HELLS: variants seen among roughly 807,000 people sequenced by gnomAD.
HELLS encodes the protein helicase, lymphoid specific.
In HELLS, 32 loss-of-function variants were observed where a neutral mutation model predicts 120.0. The ratio of observed to expected loss-of-function variants is 0.27; its 90% confidence interval spans 0.20 to 0.36. HELLS has a LOEUF of 0.36. HELLS is among the 10% of genes least tolerant of loss of function. The pLI is 1.00. For missense variants in HELLS, 650 were observed against 993.4 expected, an observed-to-expected ratio of 0.65 and a Z score of 4.65; for synonymous variants, 341 against 323.4, an observed-to-expected ratio of 1.05 and a Z score of -0.58.
chr10:94,608,430 G>A (rs1056624653), intron 9 of HELLS, among the ~76,000 whole-genome samples: 3 of 152,078 alleles, frequency 2.0e-5, no homozygotes, highest in Non-Finnish European at 4.4e-5. Flanking sequence ...CCCTAAAAGA[G>A]TAGCATGTGA....
At chr10:94,563,718 G>A (rs929011443) in intron 6 of HELLS, among the ~76,000 whole-genome samples, 1 of 151,996 alleles carries the variant, frequency 6.6e-6, no homozygotes, top group Admixed American at 6.6e-5. Flanking sequence ...TTGAACTCCT[G>A]GGTTCAAATG....
chr10:94,588,489 G>C, intron 13 of HELLS, 99 bp downstream of exon 13: 1 of 876,488 alleles, frequency 1.1e-6, no homozygotes, highest in East Asian at 2.7e-5. Context: ...TGTCACCCAG[G>C]CTGTGGTGCA....
chr10:94,549,517 G>A (rs1842885794), intron 2 of HELLS, among the ~76,000 whole-genome samples: 1 of 152,118 alleles, frequency 6.6e-6, no homozygotes. Context: ...GGAGGAGGGG[G>A]AATAGTTGGA....
At chr10:94,557,089 C>T in intron 3 of HELLS, 1 of 247,454 alleles carries the variant, frequency 4.0e-6, no homozygotes, top group South Asian at 3.8e-5. Flanking sequence ...GCTAACACAC[C>T]TGATTCTCTT....
intron 19 of HELLS, among the ~76,000 whole-genome samples, chr10:94,595,318 TAAAAG>T (rs1457786804): frequency 6.6e-6 from 1 of 151,964 alleles, no homozygotes; most frequent in Non-Finnish European, 1.5e-5. Context: ...ACCATAGACA[TAAAAG>T]AAAGAATGTT....
At chr10:94,573,114 C>A (rs990716064) in intron 7 of HELLS, among the ~76,000 whole-genome samples, 1 of 151,068 alleles carries the variant, frequency 6.6e-6, no homozygotes, top group Non-Finnish European at 1.5e-5. Context: ...CTCATGCCAC[C>A]ATGTTCAGCT....
chr10:94,591,979 G>A (rs763260932), intron 15 of HELLS, among the ~76,000 whole-genome samples: 3 of 152,170 alleles, frequency 2.0e-5, no homozygotes, highest in Non-Finnish European at 4.4e-5. Flanking sequence ...CAATGACTTT[G>A]AGAGAGGAGT....
chr10:94,580,935 T>G lies in HELLS; in HGVS notation c.1033-391T>G, dbSNP rs889180507. On this transcript the variant is annotated intron_variant, in intron 10 of 21. Coordinates refer to ENST00000348459, the MANE Select transcript of HELLS (RefSeq NM_018063.5). ...TAAATAAGGGAAAATTCTAGTGCTA[T>G]TTGATGTTTCAGCACATATGGAACT... 7.9e-5 allele frequency among the ~76,000 whole-genome samples: 12 copies of G among 152,332 alleles called. No homozygotes were observed. In the East Asian group the frequency reaches 9.6e-4, roughly 12 times the overall value.
intron 17 of HELLS, among the ~76,000 whole-genome samples, chr10:94,592,756 G>T (rs1845555042): frequency 6.6e-6 from 1 of 150,642 alleles, no homozygotes; most frequent in Admixed American, 6.6e-5. Context: ...ATCACTGTAA[G>T]AATATTGGGA....
intron 13 of HELLS, among the ~76,000 whole-genome samples, chr10:94,589,926 A>T (rs1409075796): frequency 2.6e-5 from 4 of 151,902 alleles, no homozygotes; most frequent in Admixed American, 6.6e-5. Flanking sequence ...TGACCTTGTG[A>T]TCTGCCCGCC....
At chr10:94,576,393 C>T (rs1021214089) in intron 9 of HELLS, among the ~76,000 whole-genome samples, 10 of 152,080 alleles carry the variant, frequency 6.6e-5, no homozygotes, top group South Asian at 2.1e-4. Context: ...CTTTAGAGAT[C>T]GGCTTGCCTT....
chr10:94,573,202 C>T (rs1286460922), intron 7 of HELLS, among the ~76,000 whole-genome samples: 1 of 152,202 alleles, frequency 6.6e-6, no homozygotes. Flanking sequence ...TCATGATCTG[C>T]CTGCCTTGGC....
At chr10:94,605,643 C>CTTT (rs1206815493), downstream of HELLS, among the ~76,000 whole-genome samples, 7 of 125,072 alleles carry the variant, frequency 5.6e-5, no homozygotes, top group South Asian at 2.5e-4. Flanking sequence ...TTAATGGTTC[C>CTTT]TTTTTTTTTT....
intron 9 of HELLS, among the ~76,000 whole-genome samples, chr10:94,609,011 C>CTTTTTTTTT (rs71031590): frequency 4.4e-5 from 3 of 68,236 alleles, no homozygotes; most frequent in African/African-American, 1.1e-4. Context: ...GTATCCACCT[C>CTTTTTTTTT]TTTTTTTTTT....
chr10:94,554,103 A>T (rs1843121766), intron 2 of HELLS, 23 bp from the exon 3 acceptor site: 2 of 1,545,310 alleles, frequency 1.3e-6, no homozygotes, highest in African/African-American at 2.8e-5. Context: ...GTTCATAATT[A>T]TGGAAATTTT....
chr10:94,602,698 T>TA (rs1846076834), downstream of HELLS, among the ~76,000 whole-genome samples: 1 of 152,240 alleles, frequency 6.6e-6, no homozygotes, highest in Non-Finnish European at 1.5e-5. Flanking sequence ...TCTTTTCTTT[T>TA]AAATTTTTAT....
intron 2 of HELLS, among the ~76,000 whole-genome samples, chr10:94,552,710 G>A (rs993728408): frequency 6.6e-6 from 1 of 152,194 alleles, no homozygotes; most frequent in Non-Finnish European, 1.5e-5. Flanking sequence ...GGTGGCACAT[G>A]CCTGTAATCC....
At chr10:94,576,969 A>G (rs1392745623) in intron 10 of HELLS, 164 bp downstream of exon 10, 1 of 619,914 alleles carries the variant, frequency 1.6e-6, no homozygotes, top group African/African-American at 1.8e-5. Context: ...TTTTATTAAC[A>G]GAATGATTGG....
intron 2 of HELLS, among the ~76,000 whole-genome samples, chr10:94,553,552 ATTTTTT>A (rs397844496): frequency 8.2e-6 from 1 of 122,292 alleles, no homozygotes; most frequent in Non-Finnish European, 1.7e-5. Context: ...CCTGGCCCCA[ATTTTTT>A]TTTTTTTTTT....
Sources: gnomAD v4.1 joint callset for allele counts (sites outside exome capture counted in the v4.1 genomes callset) on GRCh38, gnomAD v4.1.1 for gene constraint, MANE v1.5 for transcripts, NCBI Gene and HGNC (gene_info 2026-07-23, HGNC 2026-07-21) for gene names.